The following PPM1D variants were observed in gnomAD, a reference collection of about 807,000 sequenced individuals.
The protein encoded by PPM1D is protein phosphatase 1D.
A neutral mutation model predicts 58.3 loss-of-function variants in PPM1D; 52 were observed. That is an observed-to-expected ratio of 0.89 (90% CI 0.71 to 1.12). The LOEUF (loss-of-function observed/expected upper bound fraction) is 1.12. PPM1D is among the 50% of genes most tolerant of loss of function. The pLI is 0.00. For synonymous variants in PPM1D, 278 were observed against 285.1 expected (o/e 0.98, Z 0.25); for missense variants, 564 against 777.2 (o/e 0.73, Z 3.26).
intron 4 of PPM1D, among the ~76,000 whole-genome samples, chr17:60,650,590 C>T (rs1024752413): frequency 9.2e-5 from 14 of 151,550 alleles, no homozygotes; most frequent in Admixed American, 4.6e-4. Flanking sequence ...AACACAAATA[C>T]ATAAGTAGTA....
At chr17:60,640,501 C>T (rs977675646) in intron 3 of PPM1D, among the ~76,000 whole-genome samples, 2 of 152,096 alleles carry the variant, frequency 1.3e-5, no homozygotes, top group African/African-American at 4.8e-5. Flanking sequence ...TGTCATCCAC[C>T]ATTCATCCTA....
intron 5 of PPM1D, among the ~76,000 whole-genome samples, chr17:60,659,645 A>G (rs2031494939): frequency 6.6e-6 from 1 of 152,202 alleles, no homozygotes; most frequent in Admixed American, 6.5e-5. Flanking sequence ...TACAGGGTAG[A>G]TGGGAGGAGA....
At chr17:60,601,547 G>T (rs575331756) in intron 1 of PPM1D, among the ~76,000 whole-genome samples, 2 of 152,266 alleles carry the variant, frequency 1.3e-5, no homozygotes, top group East Asian at 3.9e-4. Context: ...CTTAAAAACT[G>T]GCCCCGTGTT....
chr17:60,634,312 T>A, intron 3 of PPM1D, among the ~76,000 whole-genome samples: 1 of 152,054 alleles, frequency 6.6e-6, no homozygotes, highest in East Asian at 1.9e-4. Context: ...CTCAAGAGGC[T>A]GAGTCAGGAG....
intron 1 of PPM1D, among the ~76,000 whole-genome samples, chr17:60,606,002 T>C (rs1038891081): frequency 6.6e-6 from 1 of 152,226 alleles, no homozygotes; most frequent in African/African-American, 2.4e-5. Flanking sequence ...CCATCACCAC[T>C]ATCAGTTTTC....
At chr17:60,640,437 C>T (rs1180715912) in intron 3 of PPM1D, among the ~76,000 whole-genome samples, 2 of 152,082 alleles carry the variant, frequency 1.3e-5, no homozygotes, top group African/African-American at 4.8e-5. Flanking sequence ...CGTAACTTAC[C>T]GTTGTAAAGC....
intron 3 of PPM1D, among the ~76,000 whole-genome samples, chr17:60,644,857 G>A (rs796962965): frequency 7.2e-5 from 11 of 152,132 alleles, no homozygotes; most frequent in South Asian, 2.1e-4. Flanking sequence ...ATTTATAATC[G>A]CACCCAAGAA....
In PPM1D at chr17:60,632,497, G is replaced by A. The variant is rs537248362; in HGVS notation, c.702-1356G>A. ...GAGGATCACTGCAGCCCAGGAGGAAGTCAAGCCTGCAGTGAACCATGAGTG... is the reference window on the plus strand; with the variant it reads ...GAGGATCACTGCAGCCCAGGAGGAAATCAAGCCTGCAGTGAACCATGAGTG... On this transcript the variant is annotated intron_variant, in intron 2 of 5. Coordinates refer to ENST00000305921, the MANE Select transcript of PPM1D (RefSeq NM_003620.4). Among the ~76,000 whole-genome samples, 104 of 152,248 alleles carry A rather than the reference G, an allele frequency of 6.8e-4. 1 individual carries two copies. The highest frequency in any genetic ancestry group is 1.2e-3 in the Non-Finnish European group (79 of 68,018).
chr17:60,608,631 A>G (rs2030383125), intron 1 of PPM1D, among the ~76,000 whole-genome samples: 1 of 152,150 alleles, frequency 6.6e-6, no homozygotes, highest in South Asian at 2.1e-4. Flanking sequence ...CATTACCAGT[A>G]TAGTTAAGCC....
At position 60,663,494 on chromosome 17, in the gene PPM1D, A is replaced by C; in HGVS notation, c.1760A>C (p.Gln587Pro). 6.2e-7 allele frequency: 1 copy of C among 1,613,526 alleles called. No individual in the cohort carries two copies. Among genetic ancestry groups the C allele is most frequent in the Non-Finnish European group, 8.5e-7 (1 of 1,180,042 alleles). ...ACCATGCGACGCAGACTTAGGGGCC[A>C]GAAGAAAATTGGAAATCCTTTACTT... ...KLTMRRRLRGQKKIGNPLLHQ... is the reference protein window; with the variant it reads ...KLTMRRRLRGPKKIGNPLLHQ... Residue 587 changes from glutamine to proline, a missense_variant, in exon 6 of 6, where the codon CAG becomes CCG. Around this residue, in one of 7 missense-constraint regions of PPM1D, gnomAD observed 261 missense variants for 270.1 expected, o/e 0.97. Transcript: ENST00000305921.
intron 1 of PPM1D, among the ~76,000 whole-genome samples, chr17:60,611,210 A>T (rs1455475678): frequency 6.6e-6 from 1 of 152,010 alleles, no homozygotes; most frequent in Admixed American, 6.6e-5. Context: ...TAGTAGAGTT[A>T]GGGTTTCACC....
rs1049733902 is a variant in PPM1D, at chr17:60,632,453, A to G, written c.702-1400A>G. 4.6e-5 allele frequency among the ~76,000 whole-genome samples: 7 copies of G among 152,214 alleles called. 1 individual carries two copies. The East Asian group carries it at 1.2e-3, about 25-fold the overall frequency. On this transcript the variant is annotated intron_variant, in intron 2 of 5. Transcript: ENST00000305921. ...GTGGCACATGCCTGTATTCTCAGCT[A>G]CTCAGGAGACTGAGGTGGGAGGATC...
chr17:60,641,058 G>T (rs1452787133), intron 3 of PPM1D, among the ~76,000 whole-genome samples: 6 of 152,024 alleles, frequency 3.9e-5, no homozygotes, highest in Non-Finnish European at 1.5e-5. Context: ...GTGCTGCAAT[G>T]AACATTTGAG....
chr17:60,634,168 T>G (rs1049564032), intron 3 of PPM1D, among the ~76,000 whole-genome samples, 191 bp downstream of exon 3: 1 of 152,182 alleles, frequency 6.6e-6, no homozygotes, highest in Non-Finnish European at 1.5e-5. Context: ...CCCAGCACTT[T>G]GGGAGGCTGA....
rs112651974 is a variant in PPM1D, at chr17:60,655,708, C to CT, written c.1018-879dup. Reference sequence around the variant, plus strand: ...TTTCTTTTTTTCTTTTTCTTTCTTTCTTTTTTTTTTTTAAATGGAGTCTTG... The same window carrying CT: ...TTTCTTTTTTTCTTTTTCTTTCTTTCTTTTTTTTTTTTTAAATGGAGTCTTG... On this transcript the variant is annotated intron_variant, in intron 4 of 5. Coordinates refer to ENST00000305921, the MANE Select transcript of PPM1D (RefSeq NM_003620.4). 2.4e-3 allele frequency among the ~76,000 whole-genome samples: 337 copies of CT among 142,354 alleles called. 1 individual carries two copies. The highest frequency in any genetic ancestry group is 3.7e-3 in the Non-Finnish European group (239 of 64,768). The allele number at this position is 142,354 out of a possible 152,430, so 93.4% of individuals were successfully genotyped here.
intron 3 of PPM1D, among the ~76,000 whole-genome samples, chr17:60,638,824 CG>C (rs1013851193): frequency 6.6e-6 from 1 of 151,420 alleles, no homozygotes; most frequent in African/African-American, 2.4e-5. Context: ...TTTTTTTGGG[CG>C]GGGGAAGGGG....
At chr17:60,651,127 A>G (rs2031335356) in intron 4 of PPM1D, among the ~76,000 whole-genome samples, 1 of 152,194 alleles carries the variant, frequency 6.6e-6, no homozygotes, top group South Asian at 2.1e-4. Flanking sequence ...AGGGAAAAAT[A>G]TACAGGTAAG....
At chr17:60,608,833 T>C (rs1244459938) in intron 1 of PPM1D, among the ~76,000 whole-genome samples, 2 of 151,160 alleles carry the variant, frequency 1.3e-5, no homozygotes, top group East Asian at 2.0e-4. Flanking sequence ...CTGCAAGCTC[T>C]GCCTCCTGGG....
At chr17:60,645,482 G>GTGTGTGTGTGTGTGTA (rs1340556364) in intron 3 of PPM1D, among the ~76,000 whole-genome samples, 3 of 138,486 alleles carry the variant, frequency 2.2e-5, no homozygotes, top group African/African-American at 9.2e-5. Context: ...GTGTGTGTGT[G>GTGTGTGTGTGTGTGTA]TGTGTGTGTG....
Sources: allele counts gnomAD v4.1 joint callset (sites outside exome capture counted in the v4.1 genomes callset), GRCh38; gene constraint gnomAD v4.1.1; regional missense constraint gnomAD v4.1.1; transcripts MANE v1.5; gene names NCBI Gene and HGNC (gene_info 2026-07-23, HGNC 2026-07-21).